Variants in PCDH15 observed in about 807,000 individuals in gnomAD.
PCDH15 encodes the protein protocadherin-15.
A neutral mutation model predicts 178.5 loss-of-function variants in PCDH15; 129 were observed. The ratio of observed to expected loss-of-function variants is 0.72; its 90% CI spans 0.63 to 0.84. PCDH15 has a LOEUF of 0.84. Among genes scored for constraint, PCDH15 ranks in the 40% least tolerant of loss-of-function variants. PCDH15 has a pLI of 0.00. For missense variants in PCDH15, 2,230 were observed against 2,099.9 expected (o/e 1.06, Z -1.21); for synonymous variants, 800 against 732.0 (o/e 1.09, Z -1.50).
At chr10:54,391,342 T>C (rs1313781465) in intron 3 of PCDH15, among the ~76,000 whole-genome samples, 3 of 151,324 alleles carry the variant, frequency 2.0e-5, no homozygotes, top group Non-Finnish European at 2.9e-5. Flanking sequence ...GCATGGATCC[T>C]TAATATGCAC....
Position 54,449,338 on chromosome 10 carries a change from G to A in PCDH15, c.158-70396C>T, listed in dbSNP as rs2076326556. ...TTACTAGGGGCAGGGGTGGTGTAGA[G>A]TTGCCTAGTATTCACCAAATAAAGT... is the stretch of plus-strand genomic sequence containing the variant. On this transcript the variant is annotated intron_variant, in intron 3 of 37. Coordinates refer to ENST00000644397, the MANE Select transcript of PCDH15 (RefSeq NM_001384140.1). Among the ~76,000 whole-genome samples the A allele has an allele frequency of 2.0e-5, 3 of 151,824 alleles. No homozygotes were observed. The South Asian group carries it at 6.2e-4, about 32-fold the overall frequency.
intron 3 of PCDH15, among the ~76,000 whole-genome samples, chr10:54,872,218 C>T (rs3858272): frequency 0.76 from 115,067 of 151,780 alleles, 43,870 homozygotes; most frequent in East Asian, 0.89. Flanking sequence ...TAAATGTTTG[C>T]TTCATATGGC....
chr10:54,544,905 T>C (rs2085673438), intron 2 of PCDH15, among the ~76,000 whole-genome samples: 1 of 152,194 alleles, frequency 6.6e-6, no homozygotes, highest in South Asian at 2.1e-4. Context: ...CTTTATGCCA[T>C]AAATTTTGGT....
In PCDH15 at chr10:53,806,795, A is replaced by T. The variant is rs1841197123; in HGVS notation, c.5007T>A (p.Thr1669=). ...FSTEKMNARP[T]LVTFAPCPVG... The stretch of plus-strand genomic sequence containing the variant: ...CAGGGCAAGGGGCAAATGTAACCAG[A>T]GTTGGTCTTGCATTCATTTTTTCAG... The change falls in exon 38 of 38, where the codon ACT becomes ACA. Residue 1669 remains threonine (T), a synonymous_variant. Transcript: ENST00000644397. The T allele has an allele frequency of 1.2e-6, 2 of 1,613,660 alleles. No individual in the cohort carries two copies. Among genetic ancestry groups the T allele is most frequent in the South Asian group, 1.1e-5 (1 of 91,088 alleles).
intron 2 of PCDH15, among the ~76,000 whole-genome samples, chr10:55,166,009 T>G (rs1429435969): frequency 6.6e-6 from 1 of 152,178 alleles, no homozygotes; most frequent in Non-Finnish European, 1.5e-5. Context: ...AATTTTATTT[T>G]AATTTCTATT....
intron 21 of PCDH15, among the ~76,000 whole-genome samples, chr10:53,966,024 T>C (rs1362664233): frequency 6.2e-5 from 1 of 16,016 alleles, no homozygotes; most frequent in Non-Finnish European, 1.4e-4. Context: ...AGATTGTATG[T>C]ATATAAATAT....
chr10:53,992,039 A>G (rs1162025473), intron 21 of PCDH15, among the ~76,000 whole-genome samples: 1 of 151,856 alleles, frequency 6.6e-6, no homozygotes, highest in East Asian at 1.9e-4. Context: ...TTGGGTCCAT[A>G]CTGCCTTTAT....
intron 1 of PCDH15, among the ~76,000 whole-genome samples, chr10:55,217,837 T>C (rs903854269): frequency 6.6e-6 from 1 of 152,120 alleles, no homozygotes; most frequent in East Asian, 1.9e-4. Context: ...GGTGAACTGC[T>C]GGAAAAAAAG....
chr10:55,133,460 G>T (rs1838107627), intron 2 of PCDH15, among the ~76,000 whole-genome samples: 1 of 151,958 alleles, frequency 6.6e-6, no homozygotes, highest in African/African-American at 2.4e-5. Context: ...ATTTCCCAGG[G>T]TTACTCTTCC....
In PCDH15 at chr10:55,529,035, G is replaced by A. The variant is rs574524295; in HGVS notation, c.-156+98590C>T. On this transcript the variant is annotated intron_variant, in intron 2 of 5. Coordinates refer to the PCDH15 transcript ENST00000613346. ...CTGCATAAATGTCTTCTTTTGAGAAGTGTCTGTTCATATCCTTTGCCCACT... is the reference window on the plus strand; with the variant it reads ...CTGCATAAATGTCTTCTTTTGAGAAATGTCTGTTCATATCCTTTGCCCACT... Among the ~76,000 whole-genome samples the A allele has an allele frequency of 9.2e-5, 14 of 152,192 alleles. No individual in the cohort carries two copies. In the South Asian group the frequency reaches 1.5e-3, roughly 16 times the overall value.
At chr10:53,885,172 T>C (rs1323102608) in intron 26 of PCDH15, among the ~76,000 whole-genome samples, 9 of 152,144 alleles carry the variant, frequency 5.9e-5, no homozygotes, top group Non-Finnish European at 1.0e-4. Context: ...CTTAACTTGC[T>C]GGCCTTTCCC....
At chr10:55,523,724 T>C (rs1005190127) in intron 2 of PCDH15, among the ~76,000 whole-genome samples, 2 of 151,564 alleles carry the variant, frequency 1.3e-5, no homozygotes, top group Admixed American at 1.3e-4. Context: ...TCAGATTCCA[T>C]ATAGAAGGCG....
At chr10:55,000,614 G>T (rs1357952357) in intron 2 of PCDH15, among the ~76,000 whole-genome samples, 1 of 152,140 alleles carries the variant, frequency 6.6e-6, no homozygotes, top group African/African-American at 2.4e-5. Context: ...AAATCACAAG[G>T]GTATTGATTG....
intron 28 of PCDH15, 68 bp downstream of exon 28, chr10:53,857,107 A>G: frequency 8.6e-7 from 1 of 1,158,740 alleles, no homozygotes; most frequent in South Asian, 1.3e-5. Context: ...CTAAAATAAA[A>G]TTTAAAAAAT....
intron 15 of PCDH15, among the ~76,000 whole-genome samples, chr10:54,102,687 C>G (rs181084981): frequency 6.6e-6 from 1 of 152,250 alleles, no homozygotes; most frequent in East Asian, 1.9e-4. Flanking sequence ...CCTTTCCTAC[C>G]ATAAGAGCCC....
chr10:55,521,097 C>T (rs1187818533), intron 2 of PCDH15, among the ~76,000 whole-genome samples: 1 of 151,880 alleles, frequency 6.6e-6, no homozygotes, highest in Non-Finnish European at 1.5e-5. Flanking sequence ...AACCCCCAGC[C>T]CTTAGCAACA....
At chr10:53,866,014 A>G (rs1160985326) in intron 27 of PCDH15, among the ~76,000 whole-genome samples, 4 of 152,206 alleles carry the variant, frequency 2.6e-5, no homozygotes, top group Non-Finnish European at 5.9e-5. Context: ...GCTAATATCA[A>G]ACTTCCCTTT....
chr10:54,110,443 C>T (rs2094998122), intron 15 of PCDH15, among the ~76,000 whole-genome samples: 1 of 151,918 alleles, frequency 6.6e-6, no homozygotes, highest in Non-Finnish European at 1.5e-5. Context: ...TCTTTTTAGC[C>T]TGCTATTTGG....
chr10:55,597,205 A>G (rs1169856889), intron 2 of PCDH15: 1 of 152,208 alleles, frequency 6.6e-6, no homozygotes, highest in Non-Finnish European at 1.5e-5. Flanking sequence ...GTGCTAATTC[A>G]TTCATGCTTG....
Sources: gnomAD v4.1 joint callset for allele counts (sites outside exome capture counted in the v4.1 genomes callset) on GRCh38, gnomAD v4.1.1 for gene constraint, MANE v1.5 for transcripts, NCBI Gene and HGNC (gene_info 2026-07-23, HGNC 2026-07-21) for gene names.